The following CCDC171 variants were observed in gnomAD, a reference collection of about 807,000 sequenced individuals.
The protein encoded by CCDC171 is coiled-coil domain-containing protein 171.
CCDC171 carries 177 observed loss-of-function variants against 168.2 expected under a neutral mutation model. The ratio of observed to expected loss-of-function variants is 1.05; its 90% CI spans 0.93 to 1.19. The LOEUF is 1.19. Among genes scored for constraint, CCDC171 ranks in the 50% most tolerant of loss-of-function variants. The pLI is 0.00. For synonymous variants in CCDC171, 687 were observed against 540.8 expected (o/e 1.27, Z -3.75); for missense variants, 1,991 against 1,539.0 (o/e 1.29, Z -4.91).
intron 25 of CCDC171, among the ~76,000 whole-genome samples, chr9:15,960,230 A>T (rs1324831760): frequency 6.6e-6 from 1 of 152,244 alleles, no homozygotes; most frequent in Non-Finnish European, 1.5e-5. Flanking sequence ...TTATAATTTA[A>T]GAAGAACTGG....
At chr9:16,094,155 G>C in the CCDC171 span, among the ~76,000 whole-genome samples, 422 of 152,288 alleles carry the variant, frequency 2.8e-3, 2 homozygotes, top group African/African-American at 9.5e-3. Context: ...CAGAGTGCAC[G>C]GTGGGCTGGA....
At chr9:15,695,706 G>C (rs893122585) in intron 11 of CCDC171, among the ~76,000 whole-genome samples, 1 of 152,148 alleles carries the variant, frequency 6.6e-6, no homozygotes, top group Non-Finnish European at 1.5e-5. Flanking sequence ...GCAACTTAAA[G>C]GTCATGCATT....
At chr9:15,980,487 T>C (rs931566441) in intron 3 of CCDC171, among the ~76,000 whole-genome samples, 2 of 152,134 alleles carry the variant, frequency 1.3e-5, no homozygotes, top group Non-Finnish European at 2.9e-5. Context: ...GACAATAGCC[T>C]GCATGTATGG....
At chr9:15,997,534 C>G (rs773276106) in intron 3 of CCDC171, among the ~76,000 whole-genome samples, 2 of 152,158 alleles carry the variant, frequency 1.3e-5, no homozygotes, top group Admixed American at 1.3e-4. Flanking sequence ...ATAGCCCTTC[C>G]AGGATTCTAC....
intron 9 of CCDC171, among the ~76,000 whole-genome samples, chr9:15,678,024 C>T (rs1015825745): frequency 6.7e-6 from 1 of 148,644 alleles, no homozygotes; most frequent in Non-Finnish European, 1.5e-5. Flanking sequence ...ATCCTCCTGC[C>T]TCAGCCTCCT....
At chr9:15,992,764 A>G in intron 3 of CCDC171, among the ~76,000 whole-genome samples, 1 of 152,248 alleles carries the variant, frequency 6.6e-6, no homozygotes, top group Non-Finnish European at 1.5e-5. Flanking sequence ...TACATAATCA[A>G]TGTGCAAAAA....
intron 3 of CCDC171, among the ~76,000 whole-genome samples, chr9:15,993,107 A>G (rs978172640): frequency 6.6e-6 from 1 of 152,068 alleles, no homozygotes; most frequent in Non-Finnish European, 1.5e-5. Flanking sequence ...TAAAGTTCAT[A>G]TGGAACCAAA....
intron 24 of CCDC171, among the ~76,000 whole-genome samples, chr9:15,907,685 G>A (rs1043243195): frequency 6.6e-5 from 10 of 152,176 alleles, no homozygotes; most frequent in African/African-American, 2.2e-4. Flanking sequence ...AAGAGCTTCT[G>A]CACAGCAAAA....
intron 22 of CCDC171, 115 bp downstream of exon 22, chr9:15,846,962 G>C (rs2060925014): frequency 2.5e-6 from 2 of 813,036 alleles, no homozygotes; most frequent in African/African-American, 3.5e-5. Context: ...AAGTACAGCT[G>C]TCTTTCTTTG....
chr9:16,032,150 A>T (rs1323723309), intron 6 of CCDC171, among the ~76,000 whole-genome samples: 1 of 152,206 alleles, frequency 6.6e-6, no homozygotes, highest in Non-Finnish European at 1.5e-5. Context: ...TGAGGGAGGA[A>T]GGTGGCAGGA....
chr9:15,857,954 T>G (rs149696289), intron 23 of CCDC171, among the ~76,000 whole-genome samples: 1 of 152,002 alleles, frequency 6.6e-6, no homozygotes, highest in Non-Finnish European at 1.5e-5. Context: ...TATGTATATA[T>G]GCATATGTGT....
the CCDC171 span, among the ~76,000 whole-genome samples, chr9:16,079,326 C>T: frequency 6.6e-6 from 1 of 152,140 alleles, no homozygotes; most frequent in Non-Finnish European, 1.5e-5. Flanking sequence ...TAGAATGTGA[C>T]CTTATTTGGA....
intron 6 of CCDC171, among the ~76,000 whole-genome samples, chr9:15,620,162 T>C (rs1380121724): frequency 6.6e-6 from 1 of 152,236 alleles, no homozygotes; most frequent in Admixed American, 6.5e-5. Context: ...AGCACATGCA[T>C]CAATGAAGAA....
chr9:15,703,831 C>G (rs897822563), intron 11 of CCDC171, among the ~76,000 whole-genome samples: 3 of 152,304 alleles, frequency 2.0e-5, no homozygotes, highest in East Asian at 1.9e-4. Context: ...AACCTCCATA[C>G]TAGAGCATAC....
At chr9:15,562,678 G>T (rs1340567115) in intron 1 of CCDC171, among the ~76,000 whole-genome samples, 1 of 152,114 alleles carries the variant, frequency 6.6e-6, no homozygotes, top group African/African-American at 2.4e-5. Flanking sequence ...GTCTGTTTAT[G>T]CCTGTTGTGC....
chr9:15,697,477 A>G (rs760165650), intron 11 of CCDC171, among the ~76,000 whole-genome samples: 7 of 152,068 alleles, frequency 4.6e-5, no homozygotes, highest in Non-Finnish European at 1.0e-4. Context: ...ACTCCTTGGG[A>G]TCTGGTTTCA....
the CCDC171 span, among the ~76,000 whole-genome samples, chr9:16,075,036 T>C: frequency 6.6e-6 from 1 of 152,238 alleles, no homozygotes; most frequent in Non-Finnish European, 1.5e-5. Flanking sequence ...GAGGTGCATA[T>C]AATTTCAATG....
chr9:15,744,502 A>G lies in CCDC171; in HGVS notation c.2279A>G (p.Asn760Ser), dbSNP rs746409269. Residue 760 changes from asparagine to serine, a missense_variant, in exon 17 of 26, where the codon AAC (asparagine) becomes AGC (serine). By Grantham distance (46) the Asn-to-Ser change is conservative. Transcript: ENST00000380701. ...TQRDFLQEQV[N>S]TFELFKLEIR... is the part of the protein sequence containing the mutation. Reference sequence around the variant, plus strand: ...AGAGATTTTCTCCAGGAGCAGGTCAACACCTTTGAGTTGTTCAAACTGGAA... The same window carrying G: ...AGAGATTTTCTCCAGGAGCAGGTCAGCACCTTTGAGTTGTTCAAACTGGAA... 2 of 1,614,116 alleles carry G rather than the reference A, an allele frequency of 1.2e-6. No homozygotes were observed. Among genetic ancestry groups the G allele is most frequent in the African/African-American group, 1.3e-5 (1 of 74,950 alleles).
intron 10 of CCDC171, among the ~76,000 whole-genome samples, chr9:15,680,208 C>T (rs977971398): frequency 3.3e-5 from 5 of 152,174 alleles, no homozygotes; most frequent in African/African-American, 1.2e-4. Context: ...GCTCAATAAA[C>T]ATTTGTTCGA....
Sources: allele counts gnomAD v4.1 joint callset (sites outside exome capture counted in the v4.1 genomes callset), GRCh38; gene constraint gnomAD v4.1.1; transcripts MANE v1.5; gene names NCBI Gene and HGNC (gene_info 2026-07-23, HGNC 2026-07-21).